MICAL3: variants seen among roughly 807,000 people sequenced by gnomAD.
MICAL3 encodes microtubule associated monooxygenase, calponin and LIM domain containing 3, also known as [F-actin]-monooxygenase MICAL3.
MICAL3 carries 62 observed loss-of-function variants against 207.4 expected under a neutral mutation model. The observed-to-expected ratio is 0.30, with a 90% confidence interval of 0.24 to 0.37. The LOEUF is 0.37. MICAL3 is among the 10% of genes least tolerant of loss of function. MICAL3 has a pLI of 1.00. For synonymous variants in MICAL3, 1,077 were observed against 1,069.3 expected, an observed-to-expected ratio of 1.01 and a Z score of -0.14; for missense variants, 2,368 against 2,635.6, an observed-to-expected ratio of 0.90 and a Z score of 2.22.
chr22:17,805,009 C>T (rs1204622830), intron 29 of MICAL3, among the ~76,000 whole-genome samples: 1 of 152,208 alleles, frequency 6.6e-6, no homozygotes, highest in Non-Finnish European at 1.5e-5. Context: ...ATACCTTAGA[C>T]AAACGGAGAA....
chr22:17,920,184 G>T (rs1011553337), intron 1 of MICAL3, among the ~76,000 whole-genome samples: 4 of 152,262 alleles, frequency 2.6e-5, no homozygotes, highest in African/African-American at 9.6e-5. Context: ...GCCAGCCTTG[G>T]GAGTGGAATG....
chr22:17,893,603 T>C (rs541112992), intron 11 of MICAL3, among the ~76,000 whole-genome samples: 1 of 152,322 alleles, frequency 6.6e-6, no homozygotes, highest in South Asian at 2.1e-4. Flanking sequence ...CCCTGGCTCC[T>C]GCCCACCCCC....
chr22:17,995,445 G>C lies in MICAL3; in HGVS notation c.-75+28836C>G, dbSNP rs372477695. Among the ~76,000 whole-genome samples the C allele has an allele frequency of 1.0e-4, 15 of 149,394 alleles. 1 individual carries two copies. Among genetic ancestry groups the C allele is most frequent in the African/African-American group, 3.5e-4 (14 of 40,446 alleles). On this transcript the variant is annotated intron_variant, in intron 1 of 31. Coordinates refer to ENST00000441493, the MANE Select transcript of MICAL3 (RefSeq NM_015241.3). ...TCCTACCTTGGCCCAGCCTCTCAAA[G>C]TGCTGGGATTACAGACGTGAGACAT... is the stretch of plus-strand genomic sequence containing the variant.
intron 1 of MICAL3, among the ~76,000 whole-genome samples, chr22:17,979,683 C>T (rs977963146): frequency 1.3e-5 from 2 of 152,090 alleles, no homozygotes; most frequent in African/African-American, 4.8e-5. Flanking sequence ...CCTCCAGCAC[C>T]TTCTCCCAGC....
chr22:17,916,210 A>G (rs5747411), intron 1 of MICAL3, among the ~76,000 whole-genome samples: 1 of 151,678 alleles, frequency 6.6e-6, no homozygotes, highest in African/African-American at 2.4e-5. Flanking sequence ...CTATGCCCAT[A>G]TCATCTGCCT....
chr22:17,935,670 A>C (rs979973794), intron 1 of MICAL3, among the ~76,000 whole-genome samples: 1 of 152,226 alleles, frequency 6.6e-6, no homozygotes, highest in African/African-American at 2.4e-5. Context: ...AAATTTTTGC[A>C]ATCTACCCAT....
chr22:17,791,311 G>T lies in MICAL3; in HGVS notation c.5651-10C>A. ...TCCTTCTTGCCCATGCCTGCCGAGAGAACGCTTGTGTCGGGTGCAGGGAGT... is the reference window on the plus strand; with the variant it reads ...TCCTTCTTGCCCATGCCTGCCGAGATAACGCTTGTGTCGGGTGCAGGGAGT... On this transcript the variant is annotated splice_polypyrimidine_tract_variant and intron_variant, in intron 29 of 31. Coordinates refer to ENST00000441493, the MANE Select transcript of MICAL3 (RefSeq NM_015241.3). 1 of 1,610,552 alleles carries T rather than the reference G, an allele frequency of 6.2e-7. No individual in the cohort carries two copies. Among genetic ancestry groups the T allele is most frequent in the Non-Finnish European group, 8.5e-7 (1 of 1,177,996 alleles).
intron 16 of MICAL3, chr22:17,879,415 AAGT>A: frequency 1.9e-6 from 3 of 1,608,510 alleles, no homozygotes; most frequent in Non-Finnish European, 2.5e-6. Context: ...GTTGGCAACA[AAGT>A]AGAAACTTAA....
intron 1 of MICAL3, among the ~76,000 whole-genome samples, chr22:18,022,420 G>GC (rs5844346): frequency 0.18 from 27,349 of 150,738 alleles, 2,980 homozygotes; most frequent in East Asian, 0.38. Flanking sequence ...ATTCCGACCT[G>GC]CACCCCCACC....
At chr22:17,837,756 G>A in intron 20 of MICAL3, among the ~76,000 whole-genome samples, 1 of 152,240 alleles carries the variant, frequency 6.6e-6, no homozygotes, top group East Asian at 1.9e-4. Context: ...AATTGATTAT[G>A]AGACTCACCT....
chr22:17,794,776 C>T (rs371943735), intron 29 of MICAL3, among the ~76,000 whole-genome samples: 1 of 152,144 alleles, frequency 6.6e-6, no homozygotes, highest in African/African-American at 2.4e-5. Context: ...CATCGAGAGA[C>T]AGTGTGCAGA....
At chr22:17,822,370 C>T (rs2146020781) in intron 23 of MICAL3, among the ~76,000 whole-genome samples, 200 bp from the exon 24 acceptor site, 1 of 152,370 alleles carries the variant, frequency 6.6e-6, no homozygotes, top group East Asian at 1.9e-4. Flanking sequence ...ACCCTCCTGC[C>T]TTTGCAACGC....
Position 17,896,907 on chromosome 22 carries a change from C to T in MICAL3, c.1023G>A (p.Glu341=). 1 of 1,613,996 alleles carries T rather than the reference C, an allele frequency of 6.2e-7. No individual in the cohort carries two copies. Among genetic ancestry groups the T allele is most frequent in the Non-Finnish European group, 8.5e-7 (1 of 1,179,910 alleles). The part of the protein sequence containing the change: ...DQEALLSYAR[E]AADFSTQQQL... ...GCTGCTGGGTAGAGAAGTCTGCCGC[C>T]TCCCTGGCATAGCTGAGCAGAGCCT... Residue 341 remains glutamate, a synonymous_variant, in exon 8 of 32, where the codon GAG becomes GAA. Coordinates refer to ENST00000441493, the MANE Select transcript of MICAL3 (RefSeq NM_015241.3).
At position 17,863,261 on chromosome 22, in the gene MICAL3, C is replaced by T. The variant is rs938496354; in HGVS notation, c.2605+1638G>A. On this transcript the variant is annotated intron_variant, in intron 19 of 31. Transcript: ENST00000441493. ...TTTAAAAAATGTTCTGTACTCCAAACCGAAATGGAAAGTTTAGTTTCTTTT... is the reference window on the plus strand; with the variant it reads ...TTTAAAAAATGTTCTGTACTCCAAATCGAAATGGAAAGTTTAGTTTCTTTT... The T allele has an allele frequency of 5.1e-6, 5 of 985,298 alleles. No homozygotes were observed. The African/African-American group carries it at 8.7e-5, about 17-fold the overall frequency. 61.0% of individuals were successfully genotyped at this position (985,298 alleles called of 1,614,324 possible). A position where few individuals can be genotyped will look rare whatever the true frequency, so the allele number is the denominator to read the frequency against.
Position 17,865,904 on chromosome 22 carries a change from T to C in MICAL3, c.2517+20A>G. ...CAACACCCACTGCTTCTCCCCCACT[T>C]ACAGGAGAGTCACCATTACCTTTCC... On this transcript the variant is annotated intron_variant, in intron 18 of 31. Coordinates refer to ENST00000441493, the MANE Select transcript of MICAL3 (RefSeq NM_015241.3). The C allele has an allele frequency of 6.3e-7, 1 of 1,599,364 alleles. No individual in the cohort carries two copies. The highest frequency in any genetic ancestry group is 1.3e-5 in the African/African-American group (1 of 74,688).
At chr22:18,009,032 T>C in intron 1 of MICAL3, among the ~76,000 whole-genome samples, 1 of 152,190 alleles carries the variant, frequency 6.6e-6, no homozygotes, top group East Asian at 1.9e-4. Flanking sequence ...CCCTAACTGA[T>C]TGGCATGTGT....
intron 26 of MICAL3, 96 bp from the exon 27 acceptor site, chr22:17,816,880 T>TG (rs927539469): frequency 3.4e-6 from 3 of 893,760 alleles, no homozygotes; most frequent in African/African-American, 1.7e-5. Context: ...GGAGGCCGGG[T>TG]GGGGGGCTGG....
chr22:17,798,453 A>G (rs1362065199), intron 29 of MICAL3, among the ~76,000 whole-genome samples: 2 of 152,106 alleles, frequency 1.3e-5, no homozygotes, highest in Admixed American at 1.3e-4. Context: ...GGCGTCAGGG[A>G]CAGGAAAGAG....
chr22:17,837,973 C>T (rs73384554), intron 20 of MICAL3, among the ~76,000 whole-genome samples: 5,575 of 152,274 alleles, frequency 0.037, 153 homozygotes, highest in South Asian at 0.088. Flanking sequence ...CGTACCACCA[C>T]GCTGGCTAAT....
Sources: gnomAD v4.1 joint callset for allele counts (sites outside exome capture counted in the v4.1 genomes callset) on GRCh38, gnomAD v4.1.1 for gene constraint, MANE v1.5 for transcripts, NCBI Gene and HGNC (gene_info 2026-07-23, HGNC 2026-07-21) for gene names.